The following TBL1XR1 variants were observed in gnomAD, a reference collection of about 807,000 sequenced individuals.
The protein encoded by TBL1XR1 is TBL1X/Y related 1.
TBL1XR1 carries 5 observed loss-of-function variants against 66.9 expected under a neutral mutation model. That is an observed-to-expected ratio of 0.07 (90% CI 0.04 to 0.16). TBL1XR1 has a LOEUF of 0.16. Ranked by LOEUF, TBL1XR1 falls within the 10% of genes least tolerant of loss-of-function variation. The pLI is 1.00. For synonymous variants in TBL1XR1, 210 were observed against 206.0 expected (o/e 1.02, Z -0.17); for missense variants, 238 against 623.2 (o/e 0.38, Z 6.58).
intron 1 of TBL1XR1, among the ~76,000 whole-genome samples, chr3:177,185,896 A>C (rs770507023): frequency 1.3e-5 from 2 of 152,076 alleles, no homozygotes; most frequent in Non-Finnish European, 2.9e-5. Flanking sequence ...CTGTAGTCCT[A>C]CCTACTCAGG....
At chr3:177,071,197 A>AT (rs1447515275) in intron 2 of TBL1XR1, among the ~76,000 whole-genome samples, 1 of 151,856 alleles carries the variant, frequency 6.6e-6, no homozygotes, top group Non-Finnish European at 1.5e-5. Flanking sequence ...TGCCCGGCTA[A>AT]TTTTTTGTAT....
chr3:177,065,629 G>A (rs1028536113), intron 2 of TBL1XR1, among the ~76,000 whole-genome samples: 3 of 152,104 alleles, frequency 2.0e-5, no homozygotes, highest in Middle Eastern at 3.2e-3. Context: ...ACCTTAACAC[G>A]AAGTGGGGGA....
intron 3 of TBL1XR1, among the ~76,000 whole-genome samples, chr3:177,059,575 T>G (rs1028420358): frequency 6.6e-6 from 1 of 151,990 alleles, no homozygotes; most frequent in Non-Finnish European, 1.5e-5. Context: ...TCTAAGGAGA[T>G]GGAAAATCCC....
intron 1 of TBL1XR1, among the ~76,000 whole-genome samples, chr3:177,121,068 A>T (rs1183642038): frequency 6.6e-6 from 1 of 152,116 alleles, no homozygotes; most frequent in East Asian, 1.9e-4. Context: ...AGGACTCAGG[A>T]CTCCTGATTC....
rs377748466 is a variant in TBL1XR1 at position 177,045,217 on chromosome 3, G to A, written c.925+912C>T. Among the ~76,000 whole-genome samples, 13 of 152,088 alleles carry A rather than the reference G, an allele frequency of 8.5e-5. 1 individual carries two copies. Among genetic ancestry groups the A allele is most frequent in the Admixed American group, 3.3e-4 (5 of 15,250 alleles). On this transcript the variant is annotated intron_variant, in intron 10 of 15. Coordinates refer to ENST00000457928, the MANE Select transcript of TBL1XR1 (RefSeq NM_024665.7). ...ACTGGCTCGCTGTTTGTAAAAGGAT[G>A]TCATCAAAGATTTGAGAATAACCAG...
chr3:177,128,104 G>A (rs1484328994), intron 1 of TBL1XR1, among the ~76,000 whole-genome samples: 2 of 151,864 alleles, frequency 1.3e-5, no homozygotes, highest in Non-Finnish European at 2.9e-5. Context: ...CTATAGTCCT[G>A]GCTACTCGGG....
In TBL1XR1 at chr3:177,187,943, C is replaced by T. The variant is rs1437863431; in HGVS notation, c.-122+9178G>A. ...GCTTGAGAGTCCAGAGTACAATTTC[C>T]TTTTTTTTTTTTTTTTTTTTTTTTG... On this transcript the variant is annotated intron_variant, in intron 1 of 15. Coordinates refer to ENST00000457928, the MANE Select transcript of TBL1XR1 (RefSeq NM_024665.7). Among the ~76,000 whole-genome samples the T allele has an allele frequency of 2.1e-4, 16 of 77,846 alleles. 1 individual carries two copies. Among genetic ancestry groups the T allele is most frequent in the African/African-American group, 9.9e-4 (15 of 15,104 alleles). The allele number at this position is 77,846 out of a possible 152,430, so 51.1% of individuals were successfully genotyped here.
Position 177,097,323 on chromosome 3 carries a change from T to C in TBL1XR1, c.-46+1143A>G, listed in dbSNP as rs1723622754. On this transcript the variant is annotated intron_variant, in intron 2 of 15. Coordinates refer to ENST00000457928, the MANE Select transcript of TBL1XR1 (RefSeq NM_024665.7). ...CTTTAAAAAAGTAAAAATTCATTTATCTTCTATTTATTTATCCCCAAAATA... is the reference window on the plus strand; with the variant it reads ...CTTTAAAAAAGTAAAAATTCATTTACCTTCTATTTATTTATCCCCAAAATA... Among the ~76,000 whole-genome samples the C allele has an allele frequency of 3.9e-5, 6 of 152,226 alleles. No homozygotes were observed. The South Asian group carries it at 1.2e-3, about 32-fold the overall frequency.
intron 1 of TBL1XR1, among the ~76,000 whole-genome samples, chr3:177,132,824 G>A (rs1052258126): frequency 5.2e-4 from 79 of 152,076 alleles, no homozygotes; most frequent in African/African-American, 1.7e-3. Flanking sequence ...GGCAGGCAGG[G>A]GCAGATCACA....
At chr3:177,041,357 T>C (rs1715558035) in intron 10 of TBL1XR1, among the ~76,000 whole-genome samples, 1 of 152,112 alleles carries the variant, frequency 6.6e-6, no homozygotes, top group Non-Finnish European at 1.5e-5. Flanking sequence ...TAAGAAAAAC[T>C]TTGAGGTGCA....
chr3:177,065,557 T>C (rs922368111), intron 2 of TBL1XR1, among the ~76,000 whole-genome samples: 8 of 152,182 alleles, frequency 5.3e-5, no homozygotes, highest in African/African-American at 1.9e-4. Flanking sequence ...TAGGTATGTA[T>C]GAGATAGGCT....
chr3:177,062,023 A>AT (rs1718580752), intron 3 of TBL1XR1, among the ~76,000 whole-genome samples: 1 of 152,222 alleles, frequency 6.6e-6, no homozygotes, highest in African/African-American at 2.4e-5. Context: ...TCACAGAACT[A>AT]TAACATTCTC....
At chr3:177,034,361 C>T (rs1341363406) in intron 12 of TBL1XR1, 36 bp from the exon 13 acceptor site, 1 of 1,403,272 alleles carries the variant, frequency 7.1e-7, no homozygotes, top group Admixed American at 2.9e-5. Context: ...AATTATTTTT[C>T]CATACAATGA....
At chr3:177,183,077 CA>C (rs1386035266) in intron 1 of TBL1XR1, among the ~76,000 whole-genome samples, 6 of 152,144 alleles carry the variant, frequency 3.9e-5, no homozygotes, top group African/African-American at 1.4e-4. Flanking sequence ...TCAGAATCCT[CA>C]TACAGCTTCA....
intron 1 of TBL1XR1, among the ~76,000 whole-genome samples, chr3:177,195,106 G>C (rs957104933): frequency 2.6e-5 from 4 of 151,912 alleles, no homozygotes; most frequent in African/African-American, 9.7e-5. Context: ...CTGTAGGTCG[G>C]ATTCCAACAA....
At chr3:177,196,920 G>A (rs964642081) in intron 1 of TBL1XR1, among the ~76,000 whole-genome samples, 1 of 151,830 alleles carries the variant, frequency 6.6e-6, no homozygotes, top group Non-Finnish European at 1.5e-5. Context: ...GAGGAAAACG[G>A]GGGGATGGGG....
At position 177,112,107 on chromosome 3, in the gene TBL1XR1, A is replaced by ATAT; in HGVS notation, c.-121-13567_-121-13566insATA. On this transcript the variant is annotated intron_variant, in intron 1 of 15. Transcript: ENST00000457928. ...TATATATATATATATATATATATAT[A>ATAT]TTTTTTTTTTTTTTTTTTGTGAGGG... is the stretch of plus-strand genomic sequence containing the variant. Among the ~76,000 whole-genome samples the ATAT allele has an allele frequency of 2.7e-3, 101 of 37,648 alleles. 1 individual carries two copies. The highest frequency in any genetic ancestry group is 3.0e-3 in the Non-Finnish European group (67 of 22,370). The allele number at this position is 37,648 out of a possible 152,430, so 24.7% of individuals were successfully genotyped here. A position where few individuals can be genotyped will look rare whatever the true frequency, so the allele number is the denominator to read the frequency against.
chr3:177,180,201 C>T (rs1408365586), intron 1 of TBL1XR1, among the ~76,000 whole-genome samples: 2 of 141,818 alleles, frequency 1.4e-5, no homozygotes, highest in East Asian at 4.6e-4. Context: ...CGTGTCACTG[C>T]ACTCCAGCCT....
Position 177,051,580 on chromosome 3 carries a change from TGCAGCTGCG to T in TBL1XR1, c.342_350del (p.Ala116_Ala118del), listed in dbSNP as rs746988856. ...TTTTTGCAGATCCTTGTTGGCTGGC[TGCAGCTGCG>T]GCAGCTGCAGCAGCTGCTGCCTGTT... On this transcript the variant is annotated inframe_deletion, in exon 5 of 16. Coordinates refer to ENST00000457928, the MANE Select transcript of TBL1XR1 (RefSeq NM_024665.7). 7 of 1,613,766 alleles carry T rather than the reference TGCAGCTGCG, an allele frequency of 4.3e-6. No homozygotes were observed. Among genetic ancestry groups the T allele is most frequent in the Non-Finnish European group, 3.4e-6 (4 of 1,179,746 alleles).
Sources: allele counts gnomAD v4.1 joint callset (sites outside exome capture counted in the v4.1 genomes callset), GRCh38; gene constraint gnomAD v4.1.1; transcripts MANE v1.5; gene names NCBI Gene and HGNC (gene_info 2026-07-23, HGNC 2026-07-21).